NOX3: variants seen among roughly 807,000 people sequenced by gnomAD.
The protein encoded by NOX3 is NADPH oxidase 3, also known as NADPH oxidase catalytic subunit-like 3.
Under a neutral mutation model 76.7 loss-of-function variants are expected in NOX3, and 74 were observed. The ratio of observed to expected loss-of-function variants is 0.96; its 90% CI spans 0.80 to 1.17. The LOEUF (loss-of-function observed/expected upper bound fraction) is 1.17. Among genes scored for constraint, NOX3 ranks in the 50% most tolerant of loss-of-function variants. NOX3 has a pLI of 0.00. For missense variants in NOX3, 695 were observed against 703.3 expected (o/e 0.99, Z 0.13); for synonymous variants, 263 against 261.1 (o/e 1.01, Z -0.07).
At chr6:155,436,686 A>T in intron 6 of NOX3, 139 bp from the exon 7 acceptor site, 1 of 824,750 alleles carries the variant, frequency 1.2e-6, no homozygotes, top group South Asian at 2.0e-5. Context: ...TCGGGCTGTC[A>T]TTCATTTCCC....
chr6:155,439,904 T>C, intron 6 of NOX3, 52 bp downstream of exon 6: 1 of 1,523,398 alleles, frequency 6.6e-7, no homozygotes, highest in Non-Finnish European at 8.9e-7. Flanking sequence ...CTAAGATTAT[T>C]TTGGGACTCT....
At chr6:155,441,365 A>G (rs1180799506) in intron 5 of NOX3, among the ~76,000 whole-genome samples, 1 of 152,242 alleles carries the variant, frequency 6.6e-6, no homozygotes, top group Admixed American at 6.5e-5. Context: ...TCAAACATTT[A>G]AAATATTTTC....
chr6:155,428,807 A>G lies in NOX3; in HGVS notation c.1132T>C (p.Trp378Arg), dbSNP rs147529480. 9.9e-6 allele frequency: 15 copies of G among 1,517,744 alleles called. No individual in the cohort carries two copies. The highest frequency in any genetic ancestry group is 2.1e-5 in the Admixed American group (1 of 47,348). The allele number at this position is 1,517,744 out of a possible 1,614,324, so 94.0% of individuals were successfully genotyped here. The change falls in exon 9 of 14, where the codon TGG becomes CGG. Residue 378 changes from tryptophan (W) to arginine (R), a missense_variant. Transcript: ENST00000159060. ...GAEGQALQEPWSLPRLAVDGP... is the reference protein window; with the variant it reads ...GAEGQALQEPRSLPRLAVDGP... ...ATGGGCACGAACCTTGGCAGGCTCC[A>G]GGGCTCCTGGAGGGCCTGTCCCTCT...
chr6:155,422,942 C>T (rs2114689910), intron 9 of NOX3, 86 bp from the exon 10 acceptor site: 3 of 1,422,262 alleles, frequency 2.1e-6, no homozygotes, highest in South Asian at 1.3e-5. Flanking sequence ...GTGCTTTTTA[C>T]AGGACGTGTT....
intron 7 of NOX3, among the ~76,000 whole-genome samples, chr6:155,435,905 G>A (rs1397577743): frequency 6.6e-6 from 1 of 152,182 alleles, no homozygotes; most frequent in Non-Finnish European, 1.5e-5. Context: ...TTCAGTTACA[G>A]GAGCTTAATT....
chr6:155,398,283 G>A (rs901132798), intron 12 of NOX3, among the ~76,000 whole-genome samples: 10 of 142,692 alleles, frequency 7.0e-5, no homozygotes, highest in African/African-American at 2.6e-4. Flanking sequence ...GAGGCAGATC[G>A]CCCTGTGAGC....
At chr6:155,453,241 T>C (rs1391960404) in intron 4 of NOX3, among the ~76,000 whole-genome samples, 163 bp downstream of exon 4, 1 of 152,186 alleles carries the variant, frequency 6.6e-6, no homozygotes, top group Non-Finnish European at 1.5e-5. Flanking sequence ...TAAGTATAAA[T>C]TGAAAATGTA....
Position 155,436,464 on chromosome 6 carries a change from G to A in NOX3, c.752C>T (p.Thr251Ile). ...FCRDRYAEWQ[T>I]VAQCPVPQFS... ...TTGAGGCACGGGGCATTGGGCCACT[G>A]TCTGCCATTCTGCATAGCGGTCTCT... The change falls in exon 7 of 14, where the codon ACA (threonine) becomes ATA (isoleucine). Residue 251 changes from threonine to isoleucine, a missense_variant. Physicochemically the swap from Thr to Ile is moderately conservative, Grantham distance 89. Coordinates refer to ENST00000159060, the MANE Select transcript of NOX3 (RefSeq NM_015718.3). The A allele has an allele frequency of 6.2e-7, 1 of 1,614,158 alleles. No homozygotes were observed. The highest frequency in any genetic ancestry group is 8.5e-7 in the Non-Finnish European group (1 of 1,179,994).
intron 4 of NOX3, among the ~76,000 whole-genome samples, chr6:155,445,957 C>CTATATATATATATATGCTATATA (rs200968638): frequency 7.9e-6 from 1 of 126,120 alleles, no homozygotes; most frequent in African/African-American, 3.1e-5. Context: ...TATATATATG[C>CTATATATATATATATGCTATATA]TATATATATA....
intron 10 of NOX3, among the ~76,000 whole-genome samples, chr6:155,415,909 G>C (rs1776616639): frequency 6.6e-6 from 1 of 152,194 alleles, no homozygotes; most frequent in African/African-American, 2.4e-5. Flanking sequence ...GTATATTATA[G>C]AGCAAAGAGG....
Position 155,445,869 on chromosome 6 carries a change from C to CAT in NOX3, c.341-2453_341-2452dup, listed in dbSNP as rs60572257. On this transcript the variant is annotated intron_variant, in intron 4 of 13. Coordinates refer to ENST00000159060, the MANE Select transcript of NOX3 (RefSeq NM_015718.3). Reference sequence around the variant, plus strand: ...GTAGTGTTTTCTCTGCTGACATATACATATATATATATATATGCTATATAT... The same window carrying CAT: ...GTAGTGTTTTCTCTGCTGACATATACATATATATATATATATATGCTATATAT... Among the ~76,000 whole-genome samples the CAT allele has an allele frequency of 8.3e-3, 1,130 of 136,388 alleles. 14 individuals are homozygous for CAT. The highest frequency in any genetic ancestry group is 0.025 in the African/African-American group (915 of 36,930). The allele number at this position is 136,388 out of a possible 152,430, so 89.5% of individuals were successfully genotyped here.
intron 10 of NOX3, among the ~76,000 whole-genome samples, chr6:155,418,411 T>C (rs1473986876): frequency 6.6e-6 from 1 of 152,208 alleles, no homozygotes; most frequent in Non-Finnish European, 1.5e-5. Flanking sequence ...GGCACAGCGT[T>C]CTCAGCTGCC....
At chr6:155,443,916 T>C (rs1562471403) in intron 4 of NOX3, among the ~76,000 whole-genome samples, 1 of 152,166 alleles carries the variant, frequency 6.6e-6, no homozygotes, top group East Asian at 1.9e-4. Context: ...AGTGTATAGT[T>C]ATCATGGAAG....
At chr6:155,416,107 G>C (rs1047537486) in intron 10 of NOX3, among the ~76,000 whole-genome samples, 2 of 152,220 alleles carry the variant, frequency 1.3e-5, no homozygotes, top group Admixed American at 6.5e-5. Flanking sequence ...GCGTTTTACA[G>C]GGAGCCAGGG....
chr6:155,435,850 C>CTACACAAAT (rs551668777), intron 7 of NOX3, among the ~76,000 whole-genome samples: 98 of 152,330 alleles, frequency 6.4e-4, no homozygotes, highest in African/African-American at 2.2e-3. Flanking sequence ...ACATTATCAT[C>CTACACAAAT]TACACAAATT....
At chr6:155,441,920 G>A (rs1249189898) in intron 5 of NOX3, among the ~76,000 whole-genome samples, 1 of 152,184 alleles carries the variant, frequency 6.6e-6, no homozygotes, top group Non-Finnish European at 1.5e-5. Context: ...GGCAGCTGTA[G>A]TTCTGATTCG....
Position 155,443,396 on chromosome 6 carries a change from G to C in NOX3, c.363C>G (p.Phe121Leu). 6.2e-7 allele frequency: 1 copy of C among 1,613,952 alleles called. No homozygotes were observed. Among genetic ancestry groups the C allele is most frequent in the Middle Eastern group, 1.7e-4 (1 of 6,056 alleles). Reference sequence around the variant, plus strand: ...TCCAGTGGTAGCGTTCCAGGTTGAAGAAATGCGCCACGATGTGGATGGCTA... The same window carrying C: ...TCCAGTGGTAGCGTTCCAGGTTGAACAAATGCGCCACGATGTGGATGGCTA... Reference protein sequence around the residue: ...VNATIHIVAHFFNLERYHWSQ... With the variant: ...VNATIHIVAHLFNLERYHWSQ... The change falls in exon 5 of 14, where the codon TTC becomes TTG. Residue 121 changes from phenylalanine (F) to leucine (L), a missense_variant. By Grantham distance (22) the Phe-to-Leu change is conservative. Transcript: ENST00000159060.
intron 6 of NOX3, 122 bp downstream of exon 6, chr6:155,439,834 T>G (rs987565318): frequency 4.2e-6 from 3 of 721,138 alleles, no homozygotes; most frequent in Non-Finnish European, 6.3e-6. Context: ...CAATGTGCTT[T>G]TCACACATTA....
intron 12 of NOX3, 125 bp from the exon 13 acceptor site, chr6:155,397,087 C>A (rs1025639010): frequency 4.5e-6 from 4 of 890,302 alleles, no homozygotes; most frequent in Non-Finnish European, 4.7e-6. Flanking sequence ...CCCTCCATGT[C>A]GTTTTTTCTT....
Sources: allele counts gnomAD v4.1 joint callset (sites outside exome capture counted in the v4.1 genomes callset), GRCh38; gene constraint gnomAD v4.1.1; transcripts MANE v1.5; gene names NCBI Gene and HGNC (gene_info 2026-07-23, HGNC 2026-07-21).